Variants in MAF observed in about 807,000 individuals in gnomAD.
MAF encodes the protein transcription factor Maf.
Under a neutral mutation model 22.0 loss-of-function variants are expected in MAF, and 10 were observed. That is an observed-to-expected ratio of 0.45 (90% CI 0.28 to 0.77). The LOEUF is 0.77. MAF is among the 30% of genes least tolerant of loss of function. MAF has a pLI of 0.12. For synonymous variants in MAF, 337 were observed against 255.8 expected, an observed-to-expected ratio of 1.32 and a Z score of -3.03; for missense variants, 544 against 548.4, an observed-to-expected ratio of 0.99 and a Z score of 0.08.
the MAF span, among the ~76,000 whole-genome samples, chr16:79,417,499 G>A: frequency 6.6e-6 from 1 of 152,172 alleles, no homozygotes; most frequent in African/African-American, 2.4e-5. Flanking sequence ...GATGTGCGAT[G>A]TTATTATGGG....
At chr16:79,306,191 T>A in the MAF span, among the ~76,000 whole-genome samples, 1 of 152,240 alleles carries the variant, frequency 6.6e-6, no homozygotes, top group African/African-American at 2.4e-5. Context: ...AGACAGGCTA[T>A]CAGATGCAGG....
the MAF span, among the ~76,000 whole-genome samples, chr16:79,420,694 C>G: frequency 1.9e-4 from 29 of 152,260 alleles, no homozygotes; most frequent in East Asian, 5.2e-3. Context: ...TTCAGTCATC[C>G]GCGGTGAACC....
chr16:79,536,119 G>A, the MAF span, among the ~76,000 whole-genome samples: 2 of 152,292 alleles, frequency 1.3e-5, no homozygotes, highest in East Asian at 3.9e-4. Context: ...CATGATCCTA[G>A]TGCTATACTC....
the MAF span, among the ~76,000 whole-genome samples, chr16:79,568,191 A>G: frequency 6.6e-6 from 1 of 152,236 alleles, no homozygotes; most frequent in Admixed American, 6.5e-5. Context: ...AGGGCATTTT[A>G]CCTCTGCGGC....
chr16:79,260,253 T>G, the MAF span, among the ~76,000 whole-genome samples: 3 of 152,166 alleles, frequency 2.0e-5, 1 homozygote, highest in Admixed American at 2.0e-4. Context: ...TGGGCTCAAG[T>G]GATCCTCTTG....
chr16:79,584,848 A>G (rs1321154290), downstream of MAF, among the ~76,000 whole-genome samples: 2 of 152,262 alleles, frequency 1.3e-5, no homozygotes, highest in South Asian at 4.1e-4. Context: ...TAAGACTCTC[A>G]TGGTAGCACC....
chr16:79,334,089 G>C, the MAF span, among the ~76,000 whole-genome samples: 1 of 152,140 alleles, frequency 6.6e-6, no homozygotes, highest in African/African-American at 2.4e-5. Flanking sequence ...GACAAACATC[G>C]GATGCAGCAC....
At chr16:79,270,405 A>G in the MAF span, among the ~76,000 whole-genome samples, 3 of 152,074 alleles carry the variant, frequency 2.0e-5, no homozygotes, top group African/African-American at 7.2e-5. Context: ...TGTGGAGTGG[A>G]GGAAGGAGAA....
chr16:79,520,905 C>T, the MAF span, among the ~76,000 whole-genome samples: 4 of 152,158 alleles, frequency 2.6e-5, no homozygotes, highest in Admixed American at 2.0e-4. Flanking sequence ...ACCCTACTTC[C>T]GTCCTACAAC....
At chr16:79,243,758 A>C in the MAF span, among the ~76,000 whole-genome samples, 1 of 152,028 alleles carries the variant, frequency 6.6e-6, no homozygotes. Flanking sequence ...GCAGAGACAC[A>C]ACAAAAAAAG....
At chr16:79,541,891 A>T in the MAF span, among the ~76,000 whole-genome samples, 2 of 152,008 alleles carry the variant, frequency 1.3e-5, no homozygotes, top group Non-Finnish European at 2.9e-5. Flanking sequence ...CCTCACCTCA[A>T]GCGATCCACC....
chr16:79,389,952 G>A, the MAF span, among the ~76,000 whole-genome samples: 3 of 121,778 alleles, frequency 2.5e-5, no homozygotes, highest in African/African-American at 3.2e-5. Flanking sequence ...CCTCCAGCAC[G>A]GGCAACACAG....
At chr16:79,338,165 A>G in the MAF span, among the ~76,000 whole-genome samples, 4 of 152,216 alleles carry the variant, frequency 2.6e-5, no homozygotes, top group African/African-American at 4.8e-5. Context: ...AGTTTGCAAC[A>G]GTGAAATGCA....
chr16:79,450,305 C>T, the MAF span, among the ~76,000 whole-genome samples: 1 of 152,270 alleles, frequency 6.6e-6, no homozygotes, highest in Admixed American at 6.5e-5. Context: ...CTTTTATTGG[C>T]TCTGCTTTTT....
chr16:79,368,825 T>C, the MAF span, among the ~76,000 whole-genome samples: 3 of 152,200 alleles, frequency 2.0e-5, no homozygotes, highest in African/African-American at 4.8e-5. Context: ...CAGCTTCCCA[T>C]TCAAACCTTC....
chr16:79,522,318 C>G, the MAF span, among the ~76,000 whole-genome samples: 1 of 152,198 alleles, frequency 6.6e-6, no homozygotes, highest in Non-Finnish European at 1.5e-5. Context: ...CTATGCAAGG[C>G]AGTTCCTCAG....
chr16:79,343,700 G>A, the MAF span, among the ~76,000 whole-genome samples: 4 of 152,146 alleles, frequency 2.6e-5, no homozygotes, highest in African/African-American at 7.2e-5. Context: ...TCTGTAAAAT[G>A]TCATCTGGAT....
At chr16:79,471,270 A>C in the MAF span, among the ~76,000 whole-genome samples, 1 of 152,228 alleles carries the variant, frequency 6.6e-6, no homozygotes, top group African/African-American at 2.4e-5. Context: ...TTACAGATAC[A>C]AAACATCTAA....
chr16:79,240,709 C>A, the MAF span, among the ~76,000 whole-genome samples: 3 of 151,808 alleles, frequency 2.0e-5, no homozygotes, highest in Non-Finnish European at 2.9e-5. Context: ...GGTCAGACTG[C>A]CTCCTCAAGT....
Sources: allele counts gnomAD v4.1 joint callset (sites outside exome capture counted in the v4.1 genomes callset), GRCh38; gene constraint gnomAD v4.1.1; transcripts MANE v1.5; gene names NCBI Gene and HGNC (gene_info 2026-07-23, HGNC 2026-07-21).